The following USP33 variants were observed in gnomAD, a reference collection of about 807,000 sequenced individuals.
USP33 encodes ubiquitin carboxyl-terminal hydrolase 33.
USP33 carries 46 observed loss-of-function variants against 124.2 expected under a neutral mutation model. The observed-to-expected ratio is 0.37, with a 90% CI of 0.29 to 0.47. USP33 has a LOEUF of 0.47. USP33 is among the 20% of genes least tolerant of loss of function. USP33 has a pLI of 0.99. For missense variants in USP33, 851 were observed against 1,070.6 expected, an observed-to-expected ratio of 0.79 and a Z score of 2.86; for synonymous variants, 350 against 352.3, an observed-to-expected ratio of 0.99 and a Z score of 0.07.
intron 9 of USP33, 58 bp downstream of exon 9, chr1:77,729,799 CATA>C (rs1677592259): frequency 2.0e-5 from 31 of 1,545,914 alleles, no homozygotes; most frequent in Non-Finnish European, 2.8e-5. Flanking sequence ...CCAAAAAAAA[CATA>C]ATGGCATTTT....
At position 77,719,093 on chromosome 1, in the gene USP33, G is replaced by A. The variant is rs146572519; in HGVS notation, c.1692-452C>T. On this transcript the variant is annotated intron_variant, in intron 15 of 23. Transcript: ENST00000370794. ...TAATTTAAACTGGCCAGGCGCAGTG[G>A]CTCACGCCTGTAATCTCAGCACTTT... is the stretch of plus-strand genomic sequence containing the variant. 1.5e-3 allele frequency among the ~76,000 whole-genome samples: 221 copies of A among 152,296 alleles called. 2 individuals are homozygous for A. Among genetic ancestry groups the A allele is most frequent in the African/African-American group, 5.1e-3 (211 of 41,562 alleles).
intron 21 of USP33, 161 bp from the exon 22 acceptor site, chr1:77,701,632 G>C: frequency 1.8e-6 from 1 of 550,300 alleles, no homozygotes; most frequent in Non-Finnish European, 3.2e-6. Context: ...GGGCAACATC[G>C]TGAGAACATC....
Position 77,730,712 on chromosome 1 carries a change from A to G in USP33, c.544T>C (p.Phe182Leu). 1 of 1,579,058 alleles carries G rather than the reference A, an allele frequency of 6.3e-7. No homozygotes were observed. Among genetic ancestry groups the G allele is most frequent in the Non-Finnish European group, 8.6e-7 (1 of 1,162,510 alleles). ...LSNCPPLTQFFLDCGGLARTD... is the reference protein window; with the variant it reads ...LSNCPPLTQFLLDCGGLARTD... ...CGAGCTAGTCCTCCACAATCAAGAA[A>G]AAACTGTGTCAAAGGTGGGCTAATT... is the stretch of plus-strand genomic sequence containing the variant. Residue 182 changes from phenylalanine to leucine, a missense_variant, in exon 8 of 24, where the codon TTT becomes CTT. This residue lies in a region of USP33 where 221 missense variants were observed against 302.9 expected (regional missense o/e 0.73). Transcript: ENST00000370794.
chr1:77,698,780 A>G (rs982165852), intron 22 of USP33, among the ~76,000 whole-genome samples: 3 of 152,100 alleles, frequency 2.0e-5, no homozygotes, highest in Admixed American at 6.5e-5. Flanking sequence ...GATGACAGGC[A>G]TGAGCCACCA....
At chr1:77,748,567 A>G (rs1679960469) in intron 1 of USP33, among the ~76,000 whole-genome samples, 2 of 151,756 alleles carry the variant, frequency 1.3e-5, no homozygotes, top group South Asian at 2.1e-4. Flanking sequence ...TACTCAGGAG[A>G]CTGAGGCAGG....
At position 77,729,933 on chromosome 1, in the gene USP33, C is replaced by T. The variant is rs763667467; in HGVS notation, c.644G>A (p.Gly215Glu). Residue 215 changes from glycine (G) to glutamate (E), a missense_variant, in exon 9 of 24, where the codon GGA becomes GAA. By Grantham distance (98) the Gly-to-Glu change is moderately conservative. Coordinates refer to ENST00000370794, the MANE Select transcript of USP33 (RefSeq NM_201624.3). ...AAACAGAGTAGTAGGCACAACAGAT[C>T]CTGGCCTGAGCAAGAAAACATTTTT... ...MTELWHKSRP[G>E]SVVPTTLFQG... 2.5e-6 allele frequency: 4 copies of T among 1,603,510 alleles called. No individual in the cohort carries two copies. Among genetic ancestry groups the T allele is most frequent in the African/African-American group, 1.3e-5 (1 of 74,618 alleles).
chr1:77,705,914 T>G (rs934533659), intron 21 of USP33, among the ~76,000 whole-genome samples: 1 of 152,202 alleles, frequency 6.6e-6, no homozygotes, highest in Non-Finnish European at 1.5e-5. Flanking sequence ...AGACATTATA[T>G]AGTCTTTTGT....
At chr1:77,723,296 G>T in intron 12 of USP33, 35 bp downstream of exon 12, 1 of 1,450,292 alleles carries the variant, frequency 6.9e-7, no homozygotes, top group Non-Finnish European at 9.6e-7. Flanking sequence ...CATTTGACAC[G>T]AATTTTCTGT....
intron 11 of USP33, among the ~76,000 whole-genome samples, chr1:77,723,970 T>C (rs1190963531): frequency 6.6e-6 from 1 of 152,120 alleles, no homozygotes; most frequent in African/African-American, 2.4e-5. Flanking sequence ...AGCCTGTTTT[T>C]TTTTTTAAAG....
rs2101505602 is a variant in USP33, at chr1:77,734,382, A to G, written c.489T>C (p.Cys163=). 6.3e-7 allele frequency: 1 copy of G among 1,599,418 alleles called. No homozygotes were observed. Among genetic ancestry groups the G allele is most frequent in the Non-Finnish European group, 8.5e-7 (1 of 1,174,664 alleles). ...GAGCCTGCAAAGCTGCATTCATGTAACAAGTATTTCCAATATTTTTCAAAC... is the reference window on the plus strand; with the variant it reads ...GAGCCTGCAAAGCTGCATTCATGTAGCAAGTATTTCCAATATTTTTCAAAC... ...LTGLKNIGNT[C]YMNAALQALS... is the part of the protein sequence containing the mutation. The change falls in exon 7 of 24, where the codon TGT becomes TGC. Residue 163 remains cysteine (C), a synonymous_variant. Transcript: ENST00000370794.
chr1:77,711,532 CA>C (rs1294131846), intron 21 of USP33: 6 of 175,658 alleles, frequency 3.4e-5, no homozygotes, highest in African/African-American at 2.8e-4. Flanking sequence ...GTCTCATACA[CA>C]CACACACACA....
At position 77,721,205 on chromosome 1, in the gene USP33, C is replaced by A. The variant is rs778684299; in HGVS notation, c.1658G>T (p.Gly553Val). The change falls in exon 15 of 24, where the codon GGT becomes GTT. Residue 553 changes from glycine (G) to valine (V), a missense_variant and splice_region_variant. Transcript: ENST00000370794. ...AAFFARDELK[G>V]DNMYSCEKCK... is the part of the protein sequence containing the mutation. ...TTTTTCACAACTGTACATATTGTCA[C>A]CTGCAAATAAAACAGATCTGGCATT... 6.2e-7 allele frequency: 1 copy of A among 1,613,792 alleles called. No homozygotes were observed. Among genetic ancestry groups the A allele is most frequent in the Non-Finnish European group, 8.5e-7 (1 of 1,179,858 alleles).
chr1:77,738,808 ACTGATG>A (rs1229800205), intron 5 of USP33, among the ~76,000 whole-genome samples: 2 of 152,144 alleles, frequency 1.3e-5, no homozygotes, highest in Non-Finnish European at 2.9e-5. Flanking sequence ...TAACCCAAAG[ACTGATG>A]CTAAGCTTTA....
At chr1:77,701,343 A>C in intron 22 of USP33, 26 bp downstream of exon 22, 4 of 1,552,678 alleles carry the variant, frequency 2.6e-6, no homozygotes, top group Non-Finnish European at 3.5e-6. Context: ...ATTTACCAAA[A>C]AAAAATTTTT....
chr1:77,742,898 G>A (rs1679288393), intron 1 of USP33, among the ~76,000 whole-genome samples: 1 of 151,500 alleles, frequency 6.6e-6, no homozygotes, highest in Admixed American at 6.6e-5. Context: ...TTATATAAGA[G>A]TGTCTGTCTG....
intron 21 of USP33, among the ~76,000 whole-genome samples, chr1:77,710,093 C>T (rs1436033832): frequency 1.3e-5 from 2 of 152,204 alleles, no homozygotes; most frequent in Non-Finnish European, 1.5e-5. Flanking sequence ...TGGAACCAAT[C>T]GCTCACTGCC....
chr1:77,712,740 C>T (rs1158605859), intron 20 of USP33, among the ~76,000 whole-genome samples: 2 of 151,984 alleles, frequency 1.3e-5, no homozygotes, highest in African/African-American at 2.4e-5. Context: ...CGCCTGTGAT[C>T]CCAGCTACTA....
chr1:77,747,149 T>C (rs1053188902), intron 1 of USP33, among the ~76,000 whole-genome samples: 10 of 151,818 alleles, frequency 6.6e-5, no homozygotes, highest in Non-Finnish European at 1.5e-4. Flanking sequence ...GCTGAAAAGA[T>C]TGCCCTCTCC....
At chr1:77,716,063 T>C (rs909279476) in intron 17 of USP33, among the ~76,000 whole-genome samples, 195 bp from the exon 18 acceptor site, 1 of 152,150 alleles carries the variant, frequency 6.6e-6, no homozygotes, top group Admixed American at 6.5e-5. Flanking sequence ...TTTTTAAATT[T>C]TTTTATTTTT....
Sources: gnomAD v4.1 joint callset for allele counts (sites outside exome capture counted in the v4.1 genomes callset) on GRCh38, gnomAD v4.1.1 for gene constraint, gnomAD v4.1.1 regional missense constraint, MANE v1.5 for transcripts, NCBI Gene and HGNC (gene_info 2026-07-23, HGNC 2026-07-21) for gene names.